The following SRPK1 variants were observed in gnomAD, a reference collection of about 807,000 sequenced individuals.
The protein encoded by SRPK1 is SFRS protein kinase 1.
In SRPK1, 52 loss-of-function variants were observed where a neutral mutation model predicts 89.5. That is an observed-to-expected ratio of 0.58 (90% CI 0.46 to 0.73). The LOEUF is 0.73. SRPK1 is among the 30% of genes least tolerant of loss of function. SRPK1 has a pLI of 0.00. For synonymous variants in SRPK1, 255 were observed against 270.2 expected (o/e 0.94, Z 0.55); for missense variants, 603 against 780.6 (o/e 0.77, Z 2.71).
intron 2 of SRPK1, among the ~76,000 whole-genome samples, chr6:35,898,784 C>A (rs183535746): frequency 1.3e-5 from 2 of 152,170 alleles, no homozygotes; most frequent in East Asian, 3.9e-4. Flanking sequence ...AGCATGCCTT[C>A]TTCTCTGTTT....
At chr6:35,838,226 G>T in intron 15 of SRPK1, 111 bp downstream of exon 15, 1 of 746,180 alleles carries the variant, frequency 1.3e-6, no homozygotes, top group Non-Finnish European at 2.0e-6. Flanking sequence ...TAAGTCACAG[G>T]TTAGCATTCA....
chr6:35,888,721 G>C (rs1770458548), intron 4 of SRPK1, 94 bp downstream of exon 4: 2 of 827,238 alleles, frequency 2.4e-6, no homozygotes, highest in Non-Finnish European at 2.1e-6. Flanking sequence ...AATCAGGCTA[G>C]AGATAGATTG....
chr6:35,896,628 G>A (rs1349749402), intron 2 of SRPK1, among the ~76,000 whole-genome samples: 1 of 152,174 alleles, frequency 6.6e-6, no homozygotes, highest in African/African-American at 2.4e-5. Context: ...CACACACCAA[G>A]TTGTACATGG....
chr6:35,844,106 G>A (rs560169773), intron 13 of SRPK1, among the ~76,000 whole-genome samples: 1 of 149,086 alleles, frequency 6.7e-6, no homozygotes, highest in East Asian at 2.0e-4. Flanking sequence ...CCAGGTTCAT[G>A]TCATTCTCCT....
intron 2 of SRPK1, among the ~76,000 whole-genome samples, chr6:35,917,227 A>AGG (rs1272943479): frequency 1.3e-5 from 2 of 152,228 alleles, no homozygotes; most frequent in Non-Finnish European, 2.9e-5. Flanking sequence ...ATGTCATGAA[A>AGG]GGGCACCCAA....
chr6:35,865,163 T>C (rs1490005871), intron 12 of SRPK1, among the ~76,000 whole-genome samples: 1 of 152,046 alleles, frequency 6.6e-6, no homozygotes, highest in African/African-American at 2.4e-5. Context: ...AATTATATAT[T>C]TAAAAATAAC....
At chr6:35,889,228 T>C (rs562354408) in intron 3 of SRPK1, among the ~76,000 whole-genome samples, 1 of 152,182 alleles carries the variant, frequency 6.6e-6, no homozygotes, top group East Asian at 1.9e-4. Flanking sequence ...ATTCAATAGG[T>C]TTATCTAAAC....
intron 2 of SRPK1, among the ~76,000 whole-genome samples, chr6:35,901,398 A>G (rs568462490): frequency 6.6e-6 from 1 of 152,336 alleles, no homozygotes; most frequent in Non-Finnish European, 1.5e-5. Context: ...AGACACAGGG[A>G]AAAGATGGCC....
At position 35,914,288 on chromosome 6, in the gene SRPK1, T is replaced by C. The variant is rs144767679; in HGVS notation, c.74+6180A>G. Among the ~76,000 whole-genome samples, 1,115 of 152,272 alleles carry C rather than the reference T, an allele frequency of 7.3e-3. 14 individuals are homozygous for C. Among genetic ancestry groups the C allele is most frequent in the African/African-American group, 0.025 (1,025 of 41,544 alleles). On this transcript the variant is annotated intron_variant, in intron 2 of 15. Transcript: ENST00000373825. The stretch of plus-strand genomic sequence containing the variant: ...CACCAGACCTGGCTAGGATACATTC[T>C]TAATAAAGAGTTCTTAAGATCAAGA...
chr6:35,842,041 A>G (rs1198437126), intron 14 of SRPK1, among the ~76,000 whole-genome samples: 3 of 152,260 alleles, frequency 2.0e-5, no homozygotes, highest in East Asian at 3.9e-4. Context: ...TTGTTTTAAA[A>G]TGGAATTCCA....
chr6:35,838,035 A>AT (rs1769221894), intron 15 of SRPK1, among the ~76,000 whole-genome samples: 1 of 151,720 alleles, frequency 6.6e-6, no homozygotes, highest in Non-Finnish European at 1.5e-5. Context: ...TTCCCAGCTA[A>AT]TTTTTTGTAT....
At chr6:35,844,155 C>G (rs1316605290) in intron 13 of SRPK1, among the ~76,000 whole-genome samples, 1 of 151,966 alleles carries the variant, frequency 6.6e-6, no homozygotes, top group Non-Finnish European at 1.5e-5. Context: ...CAGGTGCCCG[C>G]CACCAAGCCC....
rs1769119356 is a variant in SRPK1 at position 35,834,001 on chromosome 6, G to A, written c.*1303C>T. ...GTAATATTCTAGGTCAAGTCTAGGA[G>A]AGGCTCATCCTAAAAAAAAAATTGC... On this transcript the variant is annotated 3_prime_UTR_variant, in exon 16 of 16. Coordinates refer to ENST00000373825, the MANE Select transcript of SRPK1 (RefSeq NM_003137.5). 1.4e-5 allele frequency: 2 copies of A among 143,666 alleles called. No individual in the cohort carries two copies. Among genetic ancestry groups the A allele is most frequent in the East Asian group, 1.9e-4 (1 of 5,132 alleles). 8.9% of individuals were successfully genotyped at this position (143,666 alleles called of 1,614,324 possible).
At chr6:35,910,911 A>G (rs112782694) in intron 2 of SRPK1, among the ~76,000 whole-genome samples, 2,427 of 152,324 alleles carry the variant, frequency 0.016, 26 homozygotes, top group Middle Eastern at 0.037. Context: ...GCTCAGAAAA[A>G]TAGATTCCTT....
rs1220080861 is a variant in SRPK1, at chr6:35,915,977, C to CA, written c.74+4490dup. The stretch of plus-strand genomic sequence containing the variant: ...ACAGAACGAGACTCTGTCTCAAAAA[C>CA]AAAAAAAAAAAAAAATATATACACA... On this transcript the variant is annotated intron_variant, in intron 2 of 15. Coordinates refer to ENST00000373825, the MANE Select transcript of SRPK1 (RefSeq NM_003137.5). 1.4e-3 allele frequency among the ~76,000 whole-genome samples: 107 copies of CA among 74,362 alleles called. 6 individuals are homozygous for CA. The South Asian group carries it at 0.018, about 13-fold the overall frequency. The allele number at this position is 74,362 out of a possible 152,430, so 48.8% of individuals were successfully genotyped here.
chr6:35,846,126 T>C (rs1393873778), intron 13 of SRPK1, among the ~76,000 whole-genome samples: 2 of 151,972 alleles, frequency 1.3e-5, no homozygotes, highest in African/African-American at 4.8e-5. Flanking sequence ...TTTAGAAAGA[T>C]AAAAAATTTC....
intron 13 of SRPK1, among the ~76,000 whole-genome samples, chr6:35,851,491 G>A (rs1769554480): frequency 6.6e-6 from 1 of 152,042 alleles, no homozygotes; most frequent in African/African-American, 2.4e-5. Flanking sequence ...GATATATTCT[G>A]AAGGTAGAAC....
chr6:35,887,807 C>T (rs557426454), intron 5 of SRPK1: 42 of 371,454 alleles, frequency 1.1e-4, no homozygotes, highest in African/African-American at 6.7e-4. Flanking sequence ...TTGGTTCATG[C>T]GTGTAAGAAG....
chr6:35,872,819 A>G, intron 7 of SRPK1, 91 bp from the exon 8 acceptor site: 2 of 1,206,936 alleles, frequency 1.7e-6, no homozygotes, highest in Non-Finnish European at 2.2e-6. Context: ...AAAAAAAAAA[A>G]AAGATATGAT....
Sources: gnomAD v4.1 joint callset for allele counts (sites outside exome capture counted in the v4.1 genomes callset) on GRCh38, gnomAD v4.1.1 for gene constraint, MANE v1.5 for transcripts, NCBI Gene and HGNC (gene_info 2026-07-23, HGNC 2026-07-21) for gene names.